IGF2BP2: variants seen among roughly 807,000 people sequenced by gnomAD.
IGF2BP2 encodes the protein insulin-like growth factor 2 mRNA-binding protein 2.
IGF2BP2 carries 17 observed loss-of-function variants against 75.8 expected under a neutral mutation model. The observed-to-expected ratio is 0.22, with a 90% CI of 0.15 to 0.34. The LOEUF (loss-of-function observed/expected upper bound fraction) is 0.34. Ranked by LOEUF, IGF2BP2 falls within the 10% of genes least tolerant of loss-of-function variation. IGF2BP2 has a pLI of 1.00. For missense variants in IGF2BP2, 516 were observed against 772.4 expected (o/e 0.67, Z 3.93); for synonymous variants, 288 against 295.6 (o/e 0.97, Z 0.26).
At chr3:185,789,970 G>A (rs1736426795) in intron 2 of IGF2BP2, among the ~76,000 whole-genome samples, 1 of 152,086 alleles carries the variant, frequency 6.6e-6, no homozygotes, top group Non-Finnish European at 1.5e-5. Flanking sequence ...CTGAACTCAG[G>A]TTACCTGCCC....
intron 2 of IGF2BP2, chr3:185,821,012 C>T: frequency 1.3e-6 from 2 of 1,535,524 alleles, no homozygotes; most frequent in Non-Finnish European, 1.7e-6. Context: ...GTCACAGTAC[C>T]CTGGATTTAG....
intron 2 of IGF2BP2, among the ~76,000 whole-genome samples, chr3:185,787,199 G>A (rs1009197422): frequency 6.6e-6 from 1 of 152,198 alleles, no homozygotes; most frequent in South Asian, 2.1e-4. Context: ...AGACAGTTCT[G>A]GAGATAGATA....
intron 2 of IGF2BP2, among the ~76,000 whole-genome samples, chr3:185,795,678 C>T (rs534246120): frequency 8.3e-4 from 126 of 152,136 alleles, no homozygotes; most frequent in Non-Finnish European, 1.1e-3. Context: ...GTCAGGAGTT[C>T]GAGACCAGCC....
At chr3:185,677,007 GATT>G (rs1385713703) in intron 7 of IGF2BP2, among the ~76,000 whole-genome samples, 1 of 121,838 alleles carries the variant, frequency 8.2e-6, no homozygotes, top group Non-Finnish European at 1.7e-5. Flanking sequence ...TATATGGAGA[GATT>G]ATATATATGG....
chr3:185,741,693 T>C (rs953588477), intron 2 of IGF2BP2, among the ~76,000 whole-genome samples: 2 of 152,176 alleles, frequency 1.3e-5, no homozygotes, highest in African/African-American at 4.8e-5. Flanking sequence ...ATTACAACAG[T>C]CAGGGCTGGC....
chr3:185,679,258 T>C (rs897999936), intron 7 of IGF2BP2, among the ~76,000 whole-genome samples: 2 of 152,310 alleles, frequency 1.3e-5, no homozygotes, highest in Middle Eastern at 3.4e-3. Flanking sequence ...GATTTTCTTT[T>C]GTGCGTTCTC....
Position 185,741,197 on chromosome 3 carries a change from T to A in IGF2BP2, c.240-42850A>T, listed in dbSNP as rs144803644. On this transcript the variant is annotated intron_variant, in intron 2 of 15. Transcript: ENST00000382199. ...CGCATATTTCCTTCTTGAGAAATTG[T>A]TCTGTCAAAGGCACAAGGGTAAAAT... 5.5e-3 allele frequency among the ~76,000 whole-genome samples: 840 copies of A among 152,314 alleles called. 5 individuals are homozygous for A. The highest frequency in any genetic ancestry group is 0.019 in the African/African-American group (790 of 41,548).
At chr3:185,804,126 A>G (rs1234149779) in intron 2 of IGF2BP2, among the ~76,000 whole-genome samples, 1 of 151,930 alleles carries the variant, frequency 6.6e-6, no homozygotes, top group East Asian at 1.9e-4. Flanking sequence ...GCGTGGTGGC[A>G]TGTGCCTGTA....
At chr3:185,670,715 G>A (rs1005282980) in intron 10 of IGF2BP2, among the ~76,000 whole-genome samples, 2 of 151,958 alleles carry the variant, frequency 1.3e-5, no homozygotes, top group Non-Finnish European at 2.9e-5. Flanking sequence ...GATTACAGGC[G>A]TGCACCACCA....
In IGF2BP2 at chr3:185,658,421, GAGAA is replaced by G. The variant is rs1560237578; in HGVS notation, c.1201-16_1201-13del. 1 of 1,612,464 alleles carries G rather than the reference GAGAA, an allele frequency of 6.2e-7. No homozygotes were observed. Among genetic ancestry groups the G allele is most frequent in the Non-Finnish European group, 8.5e-7 (1 of 1,178,822 alleles). On this transcript the variant is annotated splice_polypyrimidine_tract_variant and intron_variant, in intron 10 of 15. Coordinates refer to ENST00000382199, the MANE Select transcript of IGF2BP2 (RefSeq NM_006548.6). ...TATCCGGAGTGGGTCTGCAGCATGAGAGAAAGAGTCAGTGGGCGGGTGCTCTCAG... is the reference window on the plus strand; with the variant it reads ...TATCCGGAGTGGGTCTGCAGCATGAGAGAGTCAGTGGGCGGGTGCTCTCAG...
chr3:185,789,013 T>G (rs572050466), intron 2 of IGF2BP2, among the ~76,000 whole-genome samples: 1 of 152,098 alleles, frequency 6.6e-6, no homozygotes, highest in African/African-American at 2.4e-5. Flanking sequence ...GTGCCCAGCC[T>G]CATTCTATTT....
intron 2 of IGF2BP2, among the ~76,000 whole-genome samples, chr3:185,780,192 T>G (rs1341590180): frequency 1.3e-5 from 2 of 151,796 alleles, no homozygotes; most frequent in Non-Finnish European, 2.9e-5. Flanking sequence ...CATATACGCA[T>G]ATGTAAAGGA....
At chr3:185,817,299 G>C (rs1183886134) in intron 2 of IGF2BP2, among the ~76,000 whole-genome samples, 2 of 152,280 alleles carry the variant, frequency 1.3e-5, no homozygotes, top group East Asian at 1.9e-4. Context: ...TCAAATGATG[G>C]AACAGGGCTA....
chr3:185,714,138 C>T (rs1279430939), intron 2 of IGF2BP2, among the ~76,000 whole-genome samples: 2 of 152,054 alleles, frequency 1.3e-5, no homozygotes, highest in Non-Finnish European at 2.9e-5. Flanking sequence ...GTAGTCTATA[C>T]ATAAGCATAT....
intron 2 of IGF2BP2, among the ~76,000 whole-genome samples, chr3:185,791,101 TG>T (rs1486367669): frequency 6.6e-6 from 1 of 152,278 alleles, no homozygotes; most frequent in Non-Finnish European, 1.5e-5. Context: ...AGTCTAATTA[TG>T]GTCCATATTC....
chr3:185,665,548 AAGGAGG>A (rs1491238218), intron 10 of IGF2BP2, among the ~76,000 whole-genome samples: 2 of 106,132 alleles, frequency 1.9e-5, no homozygotes, highest in Non-Finnish European at 4.0e-5. Context: ...GGAGGAGGAG[AAGGAGG>A]AGGAGAAGGA....
At chr3:185,739,132 T>G (rs1560388366) in intron 2 of IGF2BP2, among the ~76,000 whole-genome samples, 1 of 152,186 alleles carries the variant, frequency 6.6e-6, no homozygotes, top group Admixed American at 6.5e-5. Context: ...TGTCTGGGAT[T>G]TAGCAGCGTT....
chr3:185,658,429 G>A lies in IGF2BP2; in HGVS notation c.1201-20C>T, dbSNP rs769376052. The A allele has an allele frequency of 4.3e-6, 7 of 1,609,256 alleles. No individual in the cohort carries two copies. The South Asian group carries it at 7.7e-5, about 18-fold the overall frequency. On this transcript the variant is annotated intron_variant, in intron 10 of 15. Transcript: ENST00000382199. ...GTGGGTCTGCAGCATGAGAGAAAGA[G>A]TCAGTGGGCGGGTGCTCTCAGGGAC...
intron 2 of IGF2BP2, chr3:185,716,767 C>G (rs747823788): frequency 1.7e-5 from 9 of 519,558 alleles, no homozygotes; most frequent in Non-Finnish European, 3.5e-5. Flanking sequence ...GGGAGGACAT[C>G]CTTCATTTCC....
Sources: allele counts gnomAD v4.1 joint callset (sites outside exome capture counted in the v4.1 genomes callset), GRCh38; gene constraint gnomAD v4.1.1; transcripts MANE v1.5; gene names NCBI Gene and HGNC (gene_info 2026-07-23, HGNC 2026-07-21).